NRG2: variants seen among roughly 807,000 people sequenced by gnomAD.
NRG2 encodes pro-neuregulin-2, membrane-bound isoform.
A neutral mutation model predicts 73.9 loss-of-function variants in NRG2; 27 were observed. The ratio of observed to expected loss-of-function variants is 0.37; its 90% CI spans 0.27 to 0.50. NRG2 has a LOEUF of 0.50. Ranked by LOEUF, NRG2 falls within the 20% of genes least tolerant of loss-of-function variation. The probability of loss-of-function intolerance (pLI) is 0.96; values close to 1 mark genes in which losing one functional copy is unlikely to be tolerated. For synonymous variants in NRG2, 532 were observed against 541.0 expected, an observed-to-expected ratio of 0.98 and a Z score of 0.23; for missense variants, 1,126 against 1,210.1, an observed-to-expected ratio of 0.93 and a Z score of 1.03.
At chr5:140,040,812 T>TC (rs1246498996) in intron 1 of NRG2, among the ~76,000 whole-genome samples, 1 of 152,214 alleles carries the variant, frequency 6.6e-6, no homozygotes, top group Non-Finnish European at 1.5e-5. Context: ...TCTTAGCTGG[T>TC]CTCTACTTGT....
rs1454747970 is a variant in NRG2 at position 139,952,933 on chromosome 5, G to A, written c.701-65422C>T. 2.6e-5 allele frequency among the ~76,000 whole-genome samples: 4 copies of A among 152,204 alleles called. No homozygotes were observed. The East Asian group carries it at 7.7e-4, about 29-fold the overall frequency. ...AGATGGAGGGCAAGCTCCCCTGGGT[G>A]GGGGTTGCACAGGAGGAAGTCATAA... On this transcript the variant is annotated intron_variant, in intron 1 of 9. Coordinates refer to ENST00000361474, the MANE Select transcript of NRG2 (RefSeq NM_004883.3).
At chr5:140,038,630 C>T (rs1761683445) in intron 1 of NRG2, among the ~76,000 whole-genome samples, 1 of 152,190 alleles carries the variant, frequency 6.6e-6, no homozygotes, top group African/African-American at 2.4e-5. Flanking sequence ...TGACTTTATC[C>T]ATTCAAATGA....
intron 1 of NRG2, among the ~76,000 whole-genome samples, chr5:140,021,221 CA>C (rs1244457785): frequency 6.6e-6 from 1 of 152,150 alleles, no homozygotes; most frequent in African/African-American, 2.4e-5. Flanking sequence ...AAAACAGGCT[CA>C]AAAAGGTCAG....
chr5:139,929,610 G>T (rs184347228), intron 1 of NRG2, among the ~76,000 whole-genome samples: 135 of 152,290 alleles, frequency 8.9e-4, no homozygotes, highest in African/African-American at 2.7e-3. Context: ...AGAAATACCT[G>T]CCCAGAAGAG....
intron 1 of NRG2, among the ~76,000 whole-genome samples, chr5:139,905,026 G>A (rs1765142505): frequency 6.6e-6 from 1 of 152,212 alleles, no homozygotes; most frequent in Non-Finnish European, 1.5e-5. Flanking sequence ...GTGCCTGGCA[G>A]CAAGGGGTCT....
chr5:139,849,368 T>G (rs1017371384), intron 9 of NRG2, among the ~76,000 whole-genome samples: 3 of 152,140 alleles, frequency 2.0e-5, no homozygotes, highest in African/African-American at 7.2e-5. Context: ...CCTGATGGCT[T>G]CAGTGAGGGA....
chr5:140,041,142 C>G (rs155945), intron 1 of NRG2, among the ~76,000 whole-genome samples: 5,991 of 152,280 alleles, frequency 0.039, 386 homozygotes, highest in African/African-American at 0.13. Flanking sequence ...GCTACTCAAA[C>G]AAAGCCTGTC....
Position 139,956,652 on chromosome 5 carries a change from A to G in NRG2, c.701-69141T>C, listed in dbSNP as rs189156070. Among the ~76,000 whole-genome samples the G allele has an allele frequency of 3.2e-3, 489 of 152,346 alleles. 18 individuals carry two copies. The highest frequency in any genetic ancestry group is 0.029 in the Admixed American group (444 of 15,300). Reference sequence around the variant, plus strand: ...GAGACGGATTCACCAGGCAAAGGTCATAAGGTGGAAGCAATGGCCACGTAG... The same window carrying G: ...GAGACGGATTCACCAGGCAAAGGTCGTAAGGTGGAAGCAATGGCCACGTAG... On this transcript the variant is annotated intron_variant, in intron 1 of 9. Coordinates refer to ENST00000361474, the MANE Select transcript of NRG2 (RefSeq NM_004883.3).
chr5:139,955,776 G>C (rs886245789), intron 1 of NRG2, among the ~76,000 whole-genome samples: 8 of 152,142 alleles, frequency 5.3e-5, no homozygotes, highest in African/African-American at 1.9e-4. Flanking sequence ...AGTTGAGGGA[G>C]GAGGAGGAGA....
At chr5:140,009,091 G>A (rs540384546) in intron 1 of NRG2, among the ~76,000 whole-genome samples, 1 of 152,256 alleles carries the variant, frequency 6.6e-6, no homozygotes, top group South Asian at 2.1e-4. Flanking sequence ...AAAGATCCTG[G>A]CAAAATGGCA....
At chr5:139,896,156 T>G (rs1037406881) in intron 1 of NRG2, among the ~76,000 whole-genome samples, 9 of 152,146 alleles carry the variant, frequency 5.9e-5, no homozygotes, top group Admixed American at 2.6e-4. Flanking sequence ...TGCAAAGCCA[T>G]AGGATGATCT....
At chr5:139,987,113 C>T (rs931595636) in intron 1 of NRG2, among the ~76,000 whole-genome samples, 7 of 151,598 alleles carry the variant, frequency 4.6e-5, no homozygotes, top group African/African-American at 1.2e-4. Flanking sequence ...GGCTCACGCC[C>T]GTAATCCTAG....
At chr5:139,886,324 C>T (rs1763868099) in intron 2 of NRG2, among the ~76,000 whole-genome samples, 1 of 152,174 alleles carries the variant, frequency 6.6e-6, no homozygotes, top group South Asian at 2.1e-4. Context: ...GCATGGACAT[C>T]CAGCCCCACA....
At position 139,853,031 on chromosome 5, in the gene NRG2, C is replaced by T. The variant is rs559043139; in HGVS notation, c.1293-4G>A. The T allele has an allele frequency of 6.2e-7, 1 of 1,613,532 alleles. No individual in the cohort carries two copies. The highest frequency in any genetic ancestry group is 8.5e-7 in the Non-Finnish European group (1 of 1,179,744). On this transcript the variant is annotated splice_polypyrimidine_tract_variant and splice_region_variant and intron_variant, in intron 6 of 9. Transcript: ENST00000361474. The surrounding 1 kb of genome is among the most constrained non-coding windows in gnomAD (Gnocchi z 4.1). ...GTGCATCTGCTTCCGCTGTTTTCTGCACAAGGGAAGGGAAGGTGAGGCTGG... is the reference window on the plus strand; with the variant it reads ...GTGCATCTGCTTCCGCTGTTTTCTGTACAAGGGAAGGGAAGGTGAGGCTGG...
At chr5:139,883,949 G>T (rs1281042102) in intron 2 of NRG2, among the ~76,000 whole-genome samples, 1 of 152,164 alleles carries the variant, frequency 6.6e-6, no homozygotes, top group Non-Finnish European at 1.5e-5. Context: ...CCTGTTTCTG[G>T]ATTCTTTAGA....
chr5:140,018,481 G>A (rs1234689282), intron 1 of NRG2, among the ~76,000 whole-genome samples: 1 of 152,164 alleles, frequency 6.6e-6, no homozygotes, highest in Non-Finnish European at 1.5e-5. Context: ...ATTTAATGCT[G>A]TAGTCCATAG....
At chr5:139,995,564 G>T (rs1203367910) in intron 1 of NRG2, among the ~76,000 whole-genome samples, 1 of 152,146 alleles carries the variant, frequency 6.6e-6, no homozygotes, top group Non-Finnish European at 1.5e-5. Context: ...GAGCGGGCAG[G>T]CTCCCCAGTA....
At chr5:139,926,882 C>T in intron 1 of NRG2, among the ~76,000 whole-genome samples, 1 of 152,224 alleles carries the variant, frequency 6.6e-6, no homozygotes, top group East Asian at 1.9e-4. Flanking sequence ...GATATTACTA[C>T]TTACAACGTT....
rs62383880 is a variant in NRG2 at position 139,851,049 on chromosome 5, G to A, written c.1772+555C>T. Among the ~76,000 whole-genome samples, 51 of 151,284 alleles carry A rather than the reference G, an allele frequency of 3.4e-4. No individual in the cohort carries two copies. The highest frequency in any genetic ancestry group is 3.5e-4 in the Non-Finnish European group (24 of 67,892). ...GTTGCTGAGGTTGGAGTGCAGTGGC[G>A]CCATCTCAGCTCACTGCAACCTCCG... On this transcript the variant is annotated intron_variant, in intron 9 of 9. Coordinates refer to ENST00000361474, the MANE Select transcript of NRG2 (RefSeq NM_004883.3). The surrounding 1 kb of genome is among the most constrained non-coding windows in gnomAD (Gnocchi z 4.2).
Sources: gnomAD v4.1 joint callset for allele counts (sites outside exome capture counted in the v4.1 genomes callset) on GRCh38, gnomAD v4.1.1 for gene constraint, Gnocchi (gnomAD v3.1) non-coding constraint, MANE v1.5 for transcripts, NCBI Gene and HGNC (gene_info 2026-07-23, HGNC 2026-07-21) for gene names.